The following SLC22A31 variants were observed in gnomAD, a reference collection of about 807,000 sequenced individuals.
The protein encoded by SLC22A31 is solute carrier family 22 member 31, also known as putative solute carrier family 22 member 31.
A neutral mutation model predicts 27.4 loss-of-function variants in SLC22A31; 42 were observed. That is an observed-to-expected ratio of 1.53 (90% CI 1.20 to 1.98). The LOEUF (loss-of-function observed/expected upper bound fraction) is 1.98, where lower values mean the gene tolerates loss of function less well. Ranked by LOEUF, SLC22A31 falls within the 30% of genes most tolerant of loss-of-function variation. The pLI, the probability that SLC22A31 is intolerant of heterozygous loss-of-function variation, is 0.00. For synonymous variants in SLC22A31, 290 were observed against 230.8 expected (o/e 1.26, Z -2.33); for missense variants, 593 against 479.9 (o/e 1.24, Z -2.20).
chr16:89,198,135 G>A lies in SLC22A31; in HGVS notation c.909C>T (p.Leu303=), dbSNP rs955734687. ...MVTGLASLLL[L]AGAQYLPGWT... is the part of the protein sequence containing the mutation. ...CCCCAAGCTCACACTGGGCCCCAGCGAGGAGCAGCAGGGATGCCAGGCCTG... is the reference window on the plus strand; with the variant it reads ...CCCCAAGCTCACACTGGGCCCCAGCAAGGAGCAGCAGGGATGCCAGGCCTG... The change falls in exon 7 of 9, where the codon CTC becomes CTT. Residue 303 remains leucine, a synonymous_variant. Coordinates refer to ENST00000682282, the MANE Select transcript of SLC22A31 (RefSeq NM_001384763.1). 2.4e-4 allele frequency: 370 copies of A among 1,534,174 alleles called. No individual in the cohort carries two copies. The highest frequency in any genetic ancestry group is 4.4e-4 in the East Asian group (18 of 40,904).
chr16:89,199,907 C>T (rs1285534598), intron 1 of SLC22A31, 91 bp from the exon 2 acceptor site: 1 of 400,230 alleles, frequency 2.5e-6, no homozygotes, highest in Non-Finnish European at 4.4e-6. Context: ...TGGAAGGGGC[C>T]CTCCATGTCC....
chr16:89,200,076 C>A, intron 1 of SLC22A31: 1 of 346,508 alleles, frequency 2.9e-6, no homozygotes, highest in Non-Finnish European at 5.2e-6. Context: ...TAGATAGGGC[C>A]TCCCCCACCT....
At chr16:89,198,052 C>T (rs7202874) in intron 7 of SLC22A31, 70 bp downstream of exon 7, 262,903 of 1,487,636 alleles carry the variant, frequency 0.18, 23,660 homozygotes, top group African/African-American at 0.23. Flanking sequence ...GGCACTATGG[C>T]CCCCTGGTGT....
Position 89,198,643 on chromosome 16 carries a change from G to A in SLC22A31, c.598+9C>T. 2 of 1,534,150 alleles carry A rather than the reference G, an allele frequency of 1.3e-6. No individual in the cohort carries two copies. The highest frequency in any genetic ancestry group is 2.4e-5 in the South Asian group (2 of 84,018). On this transcript the variant is annotated intron_variant, in intron 5 of 8. Coordinates refer to ENST00000682282, the MANE Select transcript of SLC22A31 (RefSeq NM_001384763.1). ...CCTGAATCTCCCTCCTCCCTGGTAG[G>A]CGCCTGACCTGTAGCCAGGGAGTTC...
In SLC22A31 at chr16:89,197,344, C is replaced by G. The variant is rs563426748; in HGVS notation, c.988G>C (p.Ala330Pro). 3 of 1,535,826 alleles carry G rather than the reference C, an allele frequency of 2.0e-6. No homozygotes were observed. The highest frequency in any genetic ancestry group is 1.2e-5 in the South Asian group (1 of 84,052). ...TCGGCCGCGAAGAGGCTGCTGAGTG[C>G]GGACACAGCCCGGGAGGCCAGGAGC... is the stretch of plus-strand genomic sequence containing the variant. ...LGLLASRAVS[A>P]LSSLFAAEVF... The change falls in exon 8 of 9, where the codon GCA (alanine) becomes CCA (proline). Residue 330 changes from alanine (A) to proline (P), a missense_variant. Physicochemically the swap from Ala to Pro is conservative, Grantham distance 27. Coordinates refer to ENST00000682282, the MANE Select transcript of SLC22A31 (RefSeq NM_001384763.1).
Position 89,198,801 on chromosome 16 carries a change from C to A in SLC22A31, c.453-4G>T, listed in dbSNP as rs754239797. On this transcript the variant is annotated splice_region_variant and splice_polypyrimidine_tract_variant and intron_variant, in intron 4 of 8. Coordinates refer to ENST00000682282, the MANE Select transcript of SLC22A31 (RefSeq NM_001384763.1). Reference sequence around the variant, plus strand: ...CTCGGGGAACAGGGCCGGGAACCTGCAGCGTTGGTGAGGATGCCCACGGCT... The same window carrying A: ...CTCGGGGAACAGGGCCGGGAACCTGAAGCGTTGGTGAGGATGCCCACGGCT... 1 of 1,527,724 alleles carries A rather than the reference C, an allele frequency of 6.5e-7. No individual in the cohort carries two copies. Among genetic ancestry groups the A allele is most frequent in the South Asian group, 1.2e-5 (1 of 83,726 alleles). 94.6% of individuals were successfully genotyped at this position (1,527,724 alleles called of 1,614,324 possible).
rs544883475 is a variant in SLC22A31 at position 89,199,306 on chromosome 16, C to A, written c.283+107G>T. ...CCAGGAGCGGGATGCCCAAGGGACTCACTGCTCACTGTCCCTGCAGCTCGG... is the reference window on the plus strand; with the variant it reads ...CCAGGAGCGGGATGCCCAAGGGACTAACTGCTCACTGTCCCTGCAGCTCGG... On this transcript the variant is annotated intron_variant, in intron 3 of 8. Transcript: ENST00000682282. 49 of 1,047,520 alleles carry A rather than the reference C, an allele frequency of 4.7e-5. No individual in the cohort carries two copies. The African/African-American group carries it at 6.6e-4, about 14-fold the overall frequency. 64.9% of individuals were successfully genotyped at this position (1,047,520 alleles called of 1,614,324 possible).
At chr16:89,196,387 CT>C (rs1283816016) in intron 8 of SLC22A31, 82 bp from the exon 9 acceptor site, 2 of 919,120 alleles carry the variant, frequency 2.2e-6, no homozygotes. Flanking sequence ...CCCGGCCCCC[CT>C]GTGGGACAGA....
Position 89,199,412 on chromosome 16 carries a change from C to T in SLC22A31, c.283+1G>A, listed in dbSNP as rs903860278. The T allele has an allele frequency of 4.4e-5, 25 of 572,298 alleles. No homozygotes were observed. Among genetic ancestry groups the T allele is most frequent in the African/African-American group, 4.3e-4 (23 of 53,544 alleles). 35.5% of individuals were successfully genotyped at this position (572,298 alleles called of 1,614,324 possible). The stretch of plus-strand genomic sequence containing the variant: ...GTGACAGCAGCCCCCAGGGTACTCA[C>T]GAGCCAGATACAGGGCGAGGAGGGC... On this transcript the variant is annotated splice_donor_variant, in intron 3 of 8. Coordinates refer to ENST00000682282, the MANE Select transcript of SLC22A31 (RefSeq NM_001384763.1). LOFTEE classifies it high-confidence loss of function.
upstream of SLC22A31, among the ~76,000 whole-genome samples, chr16:89,200,867 G>A (rs912032378): frequency 6.6e-6 from 1 of 152,248 alleles, no homozygotes; most frequent in Non-Finnish European, 1.5e-5. Context: ...TCCCCAGTCT[G>A]TGCTGACCAC....
At chr16:89,200,949 G>C (rs769036997), upstream of SLC22A31, among the ~76,000 whole-genome samples, 6 of 152,208 alleles carry the variant, frequency 3.9e-5, no homozygotes, top group Non-Finnish European at 8.8e-5. Context: ...AGACGCTGGT[G>C]GTCCTGAAGC....
In SLC22A31 at chr16:89,198,768, C is replaced by G. The variant is rs879507192; in HGVS notation, c.482G>C (p.Cys161Ser). The G allele has an allele frequency of 2.0e-6, 3 of 1,534,248 alleles. No homozygotes were observed. Among genetic ancestry groups the G allele is most frequent in the South Asian group, 1.2e-5 (1 of 84,018 alleles). ...GFPALFPESPCWLLATGQVAR... is the reference protein window; with the variant it reads ...GFPALFPESPSWLLATGQVAR... ...TACCTGACCTGTGGCCAGCAGCCAG[C>G]AGGGAGACTCGGGGAACAGGGCCGG... The change falls in exon 5 of 9, where the codon TGC (cysteine) becomes TCC (serine). Residue 161 changes from cysteine to serine, a missense_variant. Coordinates refer to ENST00000682282, the MANE Select transcript of SLC22A31 (RefSeq NM_001384763.1).
chr16:89,201,271 CG>C (rs1279738499), upstream of SLC22A31: 2 of 361,290 alleles, frequency 5.5e-6, no homozygotes, highest in Non-Finnish European at 9.9e-6. Context: ...CCTGGGTGAC[CG>C]GGCTTTGCAG....
Position 89,198,173 on chromosome 16 carries a change from C to CCAG in SLC22A31, c.868_870dup (p.Leu290dup). On this transcript the variant is annotated inframe_insertion, in exon 7 of 9. Transcript: ENST00000682282. ...GATGCCAGGCCTGTGACCATGGTGC[C>CCAG]CAGCAGCAGCACGGGGCGGCGTCCA... is the stretch of plus-strand genomic sequence containing the variant. 1 of 1,535,322 alleles carries CCAG rather than the reference C, an allele frequency of 6.5e-7. No individual in the cohort carries two copies.
At position 89,195,997 on chromosome 16, in the gene SLC22A31, G is replaced by C. The variant is rs1445441427; in HGVS notation, c.*2C>G. 1 of 1,499,106 alleles carries C rather than the reference G, an allele frequency of 6.7e-7. No individual in the cohort carries two copies. Among genetic ancestry groups the C allele is most frequent in the Non-Finnish European group, 8.9e-7 (1 of 1,128,700 alleles). The allele number at this position is 1,499,106 out of a possible 1,614,324, so 92.9% of individuals were successfully genotyped here. On this transcript the variant is annotated 3_prime_UTR_variant, in exon 9 of 9. Transcript: ENST00000682282. ...CCTGGCTCCCAGGGCCACCAGGCAGGACTAGTGCTGCTCGGGGGTGTGGCC... is the reference window on the plus strand; with the variant it reads ...CCTGGCTCCCAGGGCCACCAGGCAGCACTAGTGCTGCTCGGGGGTGTGGCC...
intron 6 of SLC22A31, 53 bp from the exon 7 acceptor site, chr16:89,198,389 C>T: frequency 6.5e-7 from 1 of 1,530,980 alleles, no homozygotes. Context: ...ACTCTGGGGA[C>T]CATATGCCCA....
chr16:89,199,184 C>A lies in SLC22A31; in HGVS notation c.291G>T (p.Glu97Asp). ...CCAGGCGGTGGGGAGGGTCACACAA[C>A]TCCAGGCCTGGGCAGACACAGACAG... ...ALLALYLARL[E>D]LCDPPHRLAF... The change falls in exon 4 of 9, where the codon GAG becomes GAT. Residue 97 changes from glutamate to aspartate, a missense_variant. Glu to Asp is a conservative substitution (Grantham distance 45, BLOSUM62 2). Coordinates refer to ENST00000682282, the MANE Select transcript of SLC22A31 (RefSeq NM_001384763.1). 6.5e-7 allele frequency: 1 copy of A among 1,527,924 alleles called. No individual in the cohort carries two copies. The highest frequency in any genetic ancestry group is 1.2e-5 in the South Asian group (1 of 83,426). 94.6% of individuals were successfully genotyped at this position (1,527,924 alleles called of 1,614,324 possible). A position where few individuals can be genotyped will look rare whatever the true frequency, so the allele number is the denominator to read the frequency against.
chr16:89,200,817 A>C (rs117336193), upstream of SLC22A31, among the ~76,000 whole-genome samples: 1,646 of 152,294 alleles, frequency 0.011, 19 homozygotes, highest in Non-Finnish European at 0.015. Flanking sequence ...TGCAGTCTCT[A>C]GCCCAGCCTC....
intron 7 of SLC22A31, among the ~76,000 whole-genome samples, chr16:89,197,796 G>A (rs968547183): frequency 6.6e-6 from 1 of 152,214 alleles, no homozygotes; most frequent in African/African-American, 2.4e-5. Context: ...CTGAGTATAT[G>A]GGCCCTCCCA....
Sources: allele counts gnomAD v4.1 joint callset (sites outside exome capture counted in the v4.1 genomes callset), GRCh38; gene constraint gnomAD v4.1.1; transcripts MANE v1.5; gene names NCBI Gene and HGNC (gene_info 2026-07-23, HGNC 2026-07-21).